Variants in XXYLT1 observed in about 807,000 individuals in gnomAD.
XXYLT1 encodes the protein UDP-xylose:alpha-xyloside alpha-1,3-xylosyltransferase.
In XXYLT1, 20 loss-of-function variants were observed where a neutral mutation model predicts 28.9. The ratio of observed to expected loss-of-function variants is 0.69; its 90% CI spans 0.49 to 1.00. The LOEUF (loss-of-function observed/expected upper bound fraction) is 1.00, where lower values mean the gene tolerates loss of function less well. Ranked by LOEUF, XXYLT1 falls within the 50% of genes least tolerant of loss-of-function variation. The pLI, the probability that XXYLT1 is intolerant of heterozygous loss-of-function variation, is 0.00. For synonymous variants in XXYLT1, 257 were observed against 253.8 expected, an observed-to-expected ratio of 1.01 and a Z score of -0.12; for missense variants, 542 against 560.1, an observed-to-expected ratio of 0.97 and a Z score of 0.33.
In XXYLT1 at chr3:195,256,656, G is replaced by T; in HGVS notation, c.504+13899C>A. 1.1e-6 allele frequency: 1 copy of T among 870,724 alleles called. No homozygotes were observed. The highest frequency in any genetic ancestry group is 1.4e-6 in the Non-Finnish European group (1 of 725,204). 53.9% of individuals were successfully genotyped at this position (870,724 alleles called of 1,614,324 possible). On this transcript the variant is annotated intron_variant, in intron 1 of 3. Transcript: ENST00000310380. This position sits in a 1 kb window ranked among gnomAD's most constrained non-coding sequence, Gnocchi z 4.2. The stretch of plus-strand genomic sequence containing the variant: ...GTTTATACACGCCTGGAAGAGAACA[G>T]ACTGTTACTCAGAGCCGGAGCGTCC...
intron 1 of XXYLT1, among the ~76,000 whole-genome samples, chr3:195,249,609 C>G (rs1725172405): frequency 6.6e-6 from 1 of 152,172 alleles, no homozygotes; most frequent in Admixed American, 6.5e-5. Flanking sequence ...GGTCGATGGC[C>G]AAAGCCCAGA....
intron 2 of XXYLT1, among the ~76,000 whole-genome samples, chr3:195,191,765 G>A (rs1722429037): frequency 6.6e-6 from 1 of 152,098 alleles, no homozygotes; most frequent in African/African-American, 2.4e-5. Context: ...AAGATCATTA[G>A]AGAGAGACAT....
At chr3:195,261,358 CGGGACAT>C (rs1560181570) in intron 1 of XXYLT1, among the ~76,000 whole-genome samples, 1 of 152,118 alleles carries the variant, frequency 6.6e-6, no homozygotes, top group Admixed American at 6.5e-5. Context: ...CGCTTGAACC[CGGGACAT>C]GGGACATGGA....
At chr3:195,191,494 G>C (rs545741217) in intron 2 of XXYLT1, among the ~76,000 whole-genome samples, 103 of 152,256 alleles carry the variant, frequency 6.8e-4, no homozygotes, top group Non-Finnish European at 1.3e-3. Flanking sequence ...GACTGTTTAT[G>C]TTATTGGTAA....
intron 2 of XXYLT1, among the ~76,000 whole-genome samples, chr3:195,204,341 CAA>C (rs962372077): frequency 1.4e-4 from 15 of 106,700 alleles, no homozygotes; most frequent in East Asian, 2.6e-4. Context: ...GACTCTGTCT[CAA>C]AAAAAAAAAA....
rs1206381660 is a variant in XXYLT1, at chr3:195,077,316, G to C, written c.786-7205C>G. 6.6e-6 allele frequency among the ~76,000 whole-genome samples: 1 copy of C among 152,200 alleles called. No homozygotes were observed. The highest frequency in any genetic ancestry group is 2.4e-5 in the African/African-American group (1 of 41,464). ...CATCTCCTGCAATCTCAACCCAGAG[G>C]CAGTGCCGCAATAACATGGATGGAA... On this transcript the variant is annotated intron_variant, in intron 3 of 3. Coordinates refer to ENST00000310380, the MANE Select transcript of XXYLT1 (RefSeq NM_152531.5). This position sits in a 1 kb window ranked among gnomAD's most constrained non-coding sequence, Gnocchi z 4.8.
chr3:195,127,706 G>A lies in XXYLT1; in HGVS notation c.785+28743C>T, dbSNP rs1718706675. ...GCAGGAGGATCACTTGAGCCCAGGA[G>A]GTTGAGGCTGCAGTAAGCCATGATC... is the stretch of plus-strand genomic sequence containing the variant. On this transcript the variant is annotated intron_variant, in intron 3 of 3. Coordinates refer to ENST00000310380, the MANE Select transcript of XXYLT1 (RefSeq NM_152531.5). Among the ~76,000 whole-genome samples, 2 of 152,132 alleles carry A rather than the reference G, an allele frequency of 1.3e-5. 1 individual carries two copies. The highest frequency in any genetic ancestry group is 4.1e-4 in the South Asian group (2 of 4,830).
chr3:195,083,386 C>T (rs750120168), intron 3 of XXYLT1, among the ~76,000 whole-genome samples: 8 of 152,166 alleles, frequency 5.3e-5, no homozygotes, highest in Non-Finnish European at 1.0e-4. Flanking sequence ...CTGAATAAAA[C>T]GAACTTAATT....
chr3:195,156,626 G>C (rs80244009), intron 2 of XXYLT1, 45 bp from the exon 3 acceptor site: 83,773 of 1,603,244 alleles, frequency 0.052, 2,713 homozygotes, highest in East Asian at 0.13. Context: ...TACACCTCCT[G>C]GGAGGCTCGG....
chr3:195,229,243 AT>A (rs963177978), intron 1 of XXYLT1, among the ~76,000 whole-genome samples: 5 of 151,830 alleles, frequency 3.3e-5, no homozygotes, highest in African/African-American at 1.2e-4. Context: ...CTTTGTTACT[AT>A]TTTTTTATTT....
chr3:195,231,410 T>C (rs1348322492), intron 1 of XXYLT1, among the ~76,000 whole-genome samples: 3 of 152,146 alleles, frequency 2.0e-5, no homozygotes, highest in African/African-American at 7.2e-5. Context: ...CTAGCTAGGA[T>C]TTCCAGTACT....
At chr3:195,238,071 G>A (rs1022141056) in intron 1 of XXYLT1, among the ~76,000 whole-genome samples, 2 of 152,062 alleles carry the variant, frequency 1.3e-5, no homozygotes, top group African/African-American at 2.4e-5. Context: ...CCGACGACTC[G>A]TCGCTCCCTT....
chr3:195,074,936 C>G (rs928799663), intron 3 of XXYLT1, among the ~76,000 whole-genome samples: 1 of 152,206 alleles, frequency 6.6e-6, no homozygotes, highest in African/African-American at 2.4e-5. Context: ...AGGTCTCCAG[C>G]TCTACTGGAC....
At chr3:195,185,860 C>T (rs1244077027) in intron 2 of XXYLT1, among the ~76,000 whole-genome samples, 1 of 152,168 alleles carries the variant, frequency 6.6e-6, no homozygotes, top group Non-Finnish European at 1.5e-5. Flanking sequence ...CCAGAGGCCT[C>T]TCCCTTCCCT....
intron 2 of XXYLT1, among the ~76,000 whole-genome samples, chr3:195,183,110 T>C (rs1022926042): frequency 6.6e-6 from 1 of 152,186 alleles, no homozygotes; most frequent in African/African-American, 2.4e-5. Flanking sequence ...AAAGCAAGAA[T>C]GGGGTTCAGG....
Position 195,259,735 on chromosome 3 carries a change from C to A in XXYLT1, c.504+10820G>T, listed in dbSNP as rs549876209. 3.9e-4 allele frequency: 370 copies of A among 947,446 alleles called. 2 individuals carry two copies. The African/African-American group carries it at 5.9e-3, about 15-fold the overall frequency. 58.7% of individuals were successfully genotyped at this position (947,446 alleles called of 1,614,324 possible). A position where few individuals can be genotyped will look rare whatever the true frequency, so the allele number is the denominator to read the frequency against. ...GGCGGCCCCCGGAGCCGGCCTCTGG[C>A]GGCCTCGGGTCTTTTGCCAAATTCC... is the stretch of plus-strand genomic sequence containing the variant. On this transcript the variant is annotated intron_variant, in intron 1 of 3. Coordinates refer to ENST00000310380, the MANE Select transcript of XXYLT1 (RefSeq NM_152531.5).
intron 3 of XXYLT1, among the ~76,000 whole-genome samples, chr3:195,072,934 T>G (rs1714907180): frequency 6.6e-6 from 1 of 152,166 alleles, no homozygotes. Flanking sequence ...TGCGAGGAAC[T>G]TCTATCCCAT....
intron 2 of XXYLT1, among the ~76,000 whole-genome samples, chr3:195,185,933 C>T (rs79481099): frequency 0.019 from 2,837 of 152,258 alleles, 82 homozygotes; most frequent in African/African-American, 0.065. Flanking sequence ...CTTCCTGCTC[C>T]CTTGGCCCTC....
chr3:195,105,828 T>C (rs1162140944), intron 3 of XXYLT1, among the ~76,000 whole-genome samples: 1 of 152,196 alleles, frequency 6.6e-6, no homozygotes, highest in Non-Finnish European at 1.5e-5. Flanking sequence ...CTGGCCTCCC[T>C]GCGCTTCCCT....
Sources: allele counts gnomAD v4.1 joint callset (sites outside exome capture counted in the v4.1 genomes callset), GRCh38; gene constraint gnomAD v4.1.1; non-coding constraint Gnocchi (gnomAD v3.1); transcripts MANE v1.5; gene names NCBI Gene and HGNC (gene_info 2026-07-23, HGNC 2026-07-21).